GRK5: variants seen among roughly 807,000 people sequenced by gnomAD.
GRK5 encodes g protein-coupled receptor kinase GRK5.
In GRK5, 40 loss-of-function variants were observed where a neutral mutation model predicts 78.4. The observed-to-expected ratio is 0.51, with a 90% CI of 0.40 to 0.66. The LOEUF is 0.66. Among genes scored for constraint, GRK5 ranks in the 30% least tolerant of loss-of-function variants. GRK5 has a pLI of 0.00. For synonymous variants in GRK5, 289 were observed against 296.8 expected (o/e 0.97, Z 0.27); for missense variants, 598 against 759.9 (o/e 0.79, Z 2.50).
Position 119,430,554 on chromosome 10 carries a change from C to T in GRK5, c.597+116C>T. 1 of 821,620 alleles carries T rather than the reference C, an allele frequency of 1.2e-6. No homozygotes were observed. Among genetic ancestry groups the T allele is most frequent in the Non-Finnish European group, 2.0e-6 (1 of 509,056 alleles). The allele number at this position is 821,620 out of a possible 1,614,324, so 50.9% of individuals were successfully genotyped here. ...GGGTCCCCCGGGGGCACCAGTGGCT[C>T]AATGTGGGCCCCGGGGGCAGTGAGG... On this transcript the variant is annotated intron_variant, in intron 7 of 15. Transcript: ENST00000392870. The surrounding 1 kb of genome is among the most constrained non-coding windows in gnomAD (Gnocchi z 4.5).
chr10:119,248,363 T>C (rs559456852), intron 1 of GRK5, among the ~76,000 whole-genome samples: 1 of 152,228 alleles, frequency 6.6e-6, no homozygotes, highest in Non-Finnish European at 1.5e-5. Context: ...TGTGTGTTGA[T>C]GTACAGCTTG....
At chr10:119,343,912 A>G (rs1332732873) in intron 2 of GRK5, among the ~76,000 whole-genome samples, 2 of 152,156 alleles carry the variant, frequency 1.3e-5, no homozygotes, top group African/African-American at 4.8e-5. Flanking sequence ...CCCACTGTGT[A>G]CGGCGTTTCT....
chr10:119,373,622 C>G (rs1851580480), intron 2 of GRK5, among the ~76,000 whole-genome samples: 1 of 152,048 alleles, frequency 6.6e-6, no homozygotes, highest in Non-Finnish European at 1.5e-5. Flanking sequence ...TTATTAGCAG[C>G]ATGAGAACAG....
At chr10:119,304,253 G>A (rs1314253507) in intron 1 of GRK5, among the ~76,000 whole-genome samples, 1 of 150,816 alleles carries the variant, frequency 6.6e-6, no homozygotes, top group Non-Finnish European at 1.5e-5. Flanking sequence ...GGGAAAGCAG[G>A]GCAACAGCAG....
At position 119,421,212 on chromosome 10, in the gene GRK5, C is replaced by T. The variant is rs532822093; in HGVS notation, c.340-1954C>T. Among the ~76,000 whole-genome samples the T allele has an allele frequency of 2.0e-5, 3 of 152,388 alleles. No homozygotes were observed. In the East Asian group the frequency reaches 5.8e-4, roughly 29 times the overall value. On this transcript the variant is annotated intron_variant, in intron 4 of 15. Transcript: ENST00000392870. ...CTAAGGGTGCCAAGCCATCGGCTCT[C>T]TCCTTCCTGAAGCAGATTTGCCCAG...
chr10:119,337,917 T>C (rs184468257), intron 2 of GRK5, among the ~76,000 whole-genome samples: 21 of 152,280 alleles, frequency 1.4e-4, no homozygotes, highest in African/African-American at 4.6e-4. Flanking sequence ...CCACCACACC[T>C]GGCCAAGTTT....
At chr10:119,381,649 G>A (rs964205330) in intron 3 of GRK5, among the ~76,000 whole-genome samples, 4 of 152,182 alleles carry the variant, frequency 2.6e-5, no homozygotes, top group African/African-American at 7.2e-5. Flanking sequence ...TGGGCACCTC[G>A]GTTCAGCCAA....
At chr10:119,275,008 C>T (rs1294622703) in intron 1 of GRK5, among the ~76,000 whole-genome samples, 2 of 152,180 alleles carry the variant, frequency 1.3e-5, no homozygotes, top group Non-Finnish European at 2.9e-5. Context: ...GCTTCCTAAG[C>T]ACTCAGCTTC....
At chr10:119,323,791 C>T (rs564512661) in intron 1 of GRK5, among the ~76,000 whole-genome samples, 21 of 152,268 alleles carry the variant, frequency 1.4e-4, no homozygotes, top group Non-Finnish European at 2.8e-4. Context: ...TTGGTGCACA[C>T]GTCATCTGAG....
At chr10:119,280,190 G>A (rs763759248) in intron 1 of GRK5, among the ~76,000 whole-genome samples, 26 of 152,202 alleles carry the variant, frequency 1.7e-4, no homozygotes, top group Non-Finnish European at 3.2e-4. Flanking sequence ...AAGGGGGAAA[G>A]CAACTTAACA....
intron 9 of GRK5, 47 bp from the exon 10 acceptor site, chr10:119,439,684 C>T (rs1852992698): frequency 1.2e-6 from 2 of 1,602,466 alleles, no homozygotes; most frequent in Non-Finnish European, 1.7e-6. Flanking sequence ...GTGTATCCTA[C>T]CTGCCCAGAA....
At chr10:119,393,267 G>C (rs1441011869) in intron 3 of GRK5, among the ~76,000 whole-genome samples, 1 of 152,264 alleles carries the variant, frequency 6.6e-6, no homozygotes, top group African/African-American at 2.4e-5. Flanking sequence ...GATCCCGGCA[G>C]GGGAGGCCTG....
chr10:119,384,838 G>C (rs1358127840), intron 3 of GRK5, among the ~76,000 whole-genome samples: 2 of 152,210 alleles, frequency 1.3e-5, no homozygotes, highest in Non-Finnish European at 2.9e-5. Context: ...CTGAGACCAT[G>C]AGCATCATAA....
chr10:119,287,004 C>T (rs921968056), intron 1 of GRK5, among the ~76,000 whole-genome samples: 3 of 151,098 alleles, frequency 2.0e-5, no homozygotes, highest in South Asian at 4.2e-4. Flanking sequence ...GAACAGTGTT[C>T]GCACAGAGCA....
intron 1 of GRK5, among the ~76,000 whole-genome samples, chr10:119,287,756 A>G (rs1003312463): frequency 5.3e-5 from 8 of 152,180 alleles, no homozygotes; most frequent in Admixed American, 2.6e-4. Flanking sequence ...GAGGACGGCT[A>G]TGACTGCACC....
intron 1 of GRK5, among the ~76,000 whole-genome samples, chr10:119,222,397 G>A (rs1848668653): frequency 6.6e-6 from 1 of 152,060 alleles, no homozygotes; most frequent in South Asian, 2.1e-4. Context: ...GCCTGTGCTG[G>A]TGTCAGTCCT....
chr10:119,266,958 G>T (rs190180795), intron 1 of GRK5, among the ~76,000 whole-genome samples: 2 of 152,002 alleles, frequency 1.3e-5, no homozygotes, highest in South Asian at 2.1e-4. Context: ...AATTATTTTT[G>T]TAGGGCTGGG....
intron 10 of GRK5, among the ~76,000 whole-genome samples, chr10:119,440,386 C>CT (rs1005362791): frequency 1.5e-3 from 220 of 145,396 alleles, no homozygotes; most frequent in African/African-American, 2.6e-3. Flanking sequence ...CCTATACCTT[C>CT]TTTTTTTTTT....
intron 1 of GRK5, among the ~76,000 whole-genome samples, chr10:119,212,119 C>T (rs781365349): frequency 7.9e-5 from 12 of 152,072 alleles, no homozygotes; most frequent in Non-Finnish European, 1.6e-4. Flanking sequence ...AGCAGCCTGG[C>T]CTGTTAAACA....
Sources: gnomAD v4.1 joint callset for allele counts (sites outside exome capture counted in the v4.1 genomes callset) on GRCh38, gnomAD v4.1.1 for gene constraint, Gnocchi (gnomAD v3.1) non-coding constraint, MANE v1.5 for transcripts, NCBI Gene and HGNC (gene_info 2026-07-23, HGNC 2026-07-21) for gene names.